Variants in ZFR observed in about 807,000 individuals in gnomAD.
The protein encoded by ZFR is zinc finger RNA-binding protein.
A neutral mutation model predicts 130.7 loss-of-function variants in ZFR; 19 were observed. The observed-to-expected ratio is 0.15, with a 90% confidence interval of 0.10 to 0.21. ZFR has a LOEUF of 0.21. ZFR is among the 10% of genes least tolerant of loss of function. The pLI is 1.00. For missense variants in ZFR, 872 were observed against 1,321.5 expected, an observed-to-expected ratio of 0.66 and a Z score of 5.27; for synonymous variants, 466 against 456.9, an observed-to-expected ratio of 1.02 and a Z score of -0.25.
intron 5 of ZFR, among the ~76,000 whole-genome samples, chr5:32,412,947 T>C (rs1753742268): frequency 6.6e-6 from 1 of 152,144 alleles, no homozygotes; most frequent in Admixed American, 6.5e-5. Flanking sequence ...CCCAGCACTC[T>C]GGGAGGCCAA....
At chr5:32,433,157 T>C (rs1218979175) in intron 2 of ZFR, among the ~76,000 whole-genome samples, 1 of 152,208 alleles carries the variant, frequency 6.6e-6, no homozygotes, top group African/African-American at 2.4e-5. Flanking sequence ...TTAATTTTCT[T>C]GTAATCTTTA....
intron 11 of ZFR, among the ~76,000 whole-genome samples, chr5:32,390,961 C>T (rs1198028047): frequency 6.6e-6 from 1 of 152,232 alleles, no homozygotes; most frequent in Non-Finnish European, 1.5e-5. Flanking sequence ...GAGATAACAG[C>T]TGCTGCAACT....
intron 19 of ZFR, among the ~76,000 whole-genome samples, chr5:32,357,217 A>C (rs1005041740): frequency 1.3e-5 from 2 of 151,410 alleles, no homozygotes; most frequent in Non-Finnish European, 2.9e-5. Context: ...AACTCTGCTC[A>C]CCTGCTAGGA....
chr5:32,436,734 A>G (rs987635023), intron 2 of ZFR, among the ~76,000 whole-genome samples: 1 of 152,162 alleles, frequency 6.6e-6, no homozygotes, highest in Non-Finnish European at 1.5e-5. Context: ...TAGGCCTACC[A>G]AAGTGCTAGG....
Position 32,387,620 on chromosome 5 carries a change from A to G in ZFR, c.2428T>C (p.Leu810=). Residue 810 remains leucine, a synonymous_variant, in exon 14 of 20, where the codon TTG becomes CTG. Transcript: ENST00000265069. ...TTTGAAGGTTTCTCTGAGCACAGCA[A>G]AACAAGGTTGACATTTCTATCTCCT... ...LRGDRNVNLV[L]LCSEKPSKTL... is the part of the protein sequence containing the mutation. 6.2e-7 allele frequency: 1 copy of G among 1,613,740 alleles called. No individual in the cohort carries two copies. Among genetic ancestry groups the G allele is most frequent in the South Asian group, 1.1e-5 (1 of 91,022 alleles).
intron 2 of ZFR, among the ~76,000 whole-genome samples, chr5:32,441,825 G>A (rs1419006017): frequency 6.6e-6 from 1 of 152,132 alleles, no homozygotes; most frequent in Non-Finnish European, 1.5e-5. Flanking sequence ...AAGGCCTTAT[G>A]TACAAGAGTG....
intron 2 of ZFR, among the ~76,000 whole-genome samples, chr5:32,429,097 T>A (rs957227620): frequency 1.3e-5 from 2 of 149,996 alleles, no homozygotes; most frequent in Non-Finnish European, 3.0e-5. Flanking sequence ...GCCATTCTCC[T>A]GCCTCAGCCT....
intron 3 of ZFR, among the ~76,000 whole-genome samples, chr5:32,419,264 C>T (rs1014991159): frequency 6.6e-6 from 1 of 152,088 alleles, no homozygotes; most frequent in Non-Finnish European, 1.5e-5. Flanking sequence ...AAGTTTTTAA[C>T]AGACAGCTAT....
At chr5:32,438,252 AATTTTTTT>A (rs1451109649) in intron 2 of ZFR, among the ~76,000 whole-genome samples, 9 of 83,452 alleles carry the variant, frequency 1.1e-4, no homozygotes, top group Admixed American at 1.3e-4. Context: ...TTTATCTGAA[AATTTTTTT>A]TTTTTTTTTT....
chr5:32,394,317 T>G (rs1053936727), intron 11 of ZFR: 1 of 168,436 alleles, frequency 5.9e-6, no homozygotes, highest in African/African-American at 2.4e-5. Flanking sequence ...ACAATCTGGA[T>G]GAACCATGAA....
intron 10 of ZFR, among the ~76,000 whole-genome samples, chr5:32,396,662 G>T (rs948724721): frequency 9.2e-5 from 14 of 151,988 alleles, no homozygotes; most frequent in Admixed American, 7.9e-4. Flanking sequence ...TGCCTGAACA[G>T]GGACCCAGGA....
intron 5 of ZFR, among the ~76,000 whole-genome samples, chr5:32,410,600 C>T (rs991679130): frequency 3.5e-5 from 4 of 114,272 alleles, no homozygotes; most frequent in Non-Finnish European, 7.3e-5. Flanking sequence ...GGAATGAGAC[C>T]TAGTCTCAAA....
At chr5:32,387,461 G>A (rs1347206043) in intron 14 of ZFR, 88 bp downstream of exon 14, 1 of 1,479,402 alleles carries the variant, frequency 6.8e-7, no homozygotes, top group Non-Finnish European at 9.1e-7. Flanking sequence ...TTAAAGGCTG[G>A]CTTAGGTTTA....
At chr5:32,366,097 A>G (rs898202511) in intron 17 of ZFR, among the ~76,000 whole-genome samples, 1 of 152,208 alleles carries the variant, frequency 6.6e-6, no homozygotes, top group African/African-American at 2.4e-5. Flanking sequence ...TGCCTAGTAC[A>G]AGTAGCCAGA....
chr5:32,426,443 T>C (rs930675275), intron 2 of ZFR, among the ~76,000 whole-genome samples: 16 of 150,106 alleles, frequency 1.1e-4, no homozygotes, highest in African/African-American at 3.9e-4. Context: ...ATAACCTCAA[T>C]ATAATAAAAA....
intron 2 of ZFR, among the ~76,000 whole-genome samples, chr5:32,441,818 G>T (rs1379752913): frequency 1.3e-5 from 2 of 152,112 alleles, no homozygotes; most frequent in Non-Finnish European, 2.9e-5. Flanking sequence ...TATATACAAG[G>T]CCTTATGTAC....
chr5:32,390,229 A>G, intron 12 of ZFR, 46 bp downstream of exon 12: 1 of 1,585,046 alleles, frequency 6.3e-7, no homozygotes, highest in South Asian at 1.1e-5. Flanking sequence ...TCTAATGCTG[A>G]ACCAGTCAAA....
At chr5:32,399,918 G>T in intron 9 of ZFR, 89 bp downstream of exon 9, 1 of 1,119,322 alleles carries the variant, frequency 8.9e-7, no homozygotes, top group Non-Finnish European at 1.2e-6. Flanking sequence ...ATACAATTAA[G>T]TATATTTAAT....
At chr5:32,365,281 T>A (rs1286072997) in intron 17 of ZFR, among the ~76,000 whole-genome samples, 1 of 152,182 alleles carries the variant, frequency 6.6e-6, no homozygotes, top group Non-Finnish European at 1.5e-5. Flanking sequence ...TCCATACTTT[T>A]GGCTATACAC....
Sources: allele counts gnomAD v4.1 joint callset (sites outside exome capture counted in the v4.1 genomes callset), GRCh38; gene constraint gnomAD v4.1.1; transcripts MANE v1.5; gene names NCBI Gene and HGNC (gene_info 2026-07-23, HGNC 2026-07-21).